The following HAUS6 variants were observed in gnomAD, a reference collection of about 807,000 sequenced individuals.
HAUS6 encodes the protein HAUS augmin like complex subunit 6, also known as HAUS augmin-like complex subunit 6.
HAUS6 carries 80 observed loss-of-function variants against 106.8 expected under a neutral mutation model. The observed-to-expected ratio is 0.75, with a 90% CI of 0.63 to 0.90. HAUS6 has a LOEUF of 0.90. HAUS6 is among the 40% of genes least tolerant of loss of function. The probability of loss-of-function intolerance (pLI) is 0.00; values close to 1 mark genes in which losing one functional copy is unlikely to be tolerated. For synonymous variants in HAUS6, 356 were observed against 379.1 expected, an observed-to-expected ratio of 0.94 and a Z score of 0.71; for missense variants, 1,155 against 1,118.1, an observed-to-expected ratio of 1.03 and a Z score of -0.47.
intron 12 of HAUS6, among the ~76,000 whole-genome samples, chr9:19,069,095 G>C (rs982453870): frequency 6.6e-6 from 1 of 152,052 alleles, no homozygotes; most frequent in East Asian, 1.9e-4. Flanking sequence ...GAAAAGGCTG[G>C]ACCAGCCACG....
chr9:19,069,489 G>A (rs1185995344), intron 12 of HAUS6, among the ~76,000 whole-genome samples: 1 of 152,064 alleles, frequency 6.6e-6, no homozygotes, highest in African/African-American at 2.4e-5. Context: ...AGGAGTTCGA[G>A]ACCAGCCTGG....
chr9:19,101,096 T>C (rs1817977907), intron 1 of HAUS6, among the ~76,000 whole-genome samples: 1 of 152,228 alleles, frequency 6.6e-6, no homozygotes, highest in South Asian at 2.1e-4. Context: ...ACTGAAATGT[T>C]TCCAACACAA....
At chr9:19,085,796 A>G (rs1837276459) in intron 7 of HAUS6, among the ~76,000 whole-genome samples, 1 of 152,078 alleles carries the variant, frequency 6.6e-6, no homozygotes, top group Admixed American at 6.6e-5. Context: ...TATTTAGATA[A>G]ATTAATACCA....
chr9:19,096,799 A>G (rs1373290375), intron 1 of HAUS6, 30 bp from the exon 2 acceptor site: 1 of 1,065,540 alleles, frequency 9.4e-7, no homozygotes. Flanking sequence ...TAGAAATAGA[A>G]AAAGAAAAAG....
rs1836735645 is a variant in HAUS6 at position 19,065,241 on chromosome 9, A to T, written c.1377-1661T>A. 2.0e-5 allele frequency among the ~76,000 whole-genome samples: 3 copies of T among 152,222 alleles called. No homozygotes were observed. The South Asian group carries it at 6.2e-4, about 32-fold the overall frequency. ...ACATCATAATCTAAGACAAGTTTAA[A>T]GCAGCCCTGGCTCAGTCTTTATACT... On this transcript the variant is annotated intron_variant, in intron 12 of 16. Transcript: ENST00000380502.
chr9:19,088,003 C>T (rs529415343), intron 5 of HAUS6, among the ~76,000 whole-genome samples: 1 of 152,140 alleles, frequency 6.6e-6, no homozygotes, highest in African/African-American at 2.4e-5. Flanking sequence ...AAAAGATATG[C>T]TGCATAGATG....
At position 19,080,666 on chromosome 9, in the gene HAUS6, T is replaced by G. The variant is rs771245869; in HGVS notation, c.877A>C (p.Ile293Leu). The change falls in exon 9 of 17, where the codon ATA (isoleucine) becomes CTA (leucine). Residue 293 changes from isoleucine to leucine, a missense_variant. This residue lies in a region of HAUS6 where 761 missense variants were observed against 690.0 expected (regional missense o/e 1.10). Coordinates refer to ENST00000380502, the MANE Select transcript of HAUS6 (RefSeq NM_017645.5). Reference protein sequence around the residue: ...KIEKQMFQLHIGNVYEAGKLN... With the variant: ...KIEKQMFQLHLGNVYEAGKLN... ...TTTCCAGCCTCATAAACATTTCCTA[T>G]GTGCAACTAAGGAATCAGGAGGAGA... The G allele has an allele frequency of 1.9e-6, 3 of 1,598,606 alleles. No individual in the cohort carries two copies. Among genetic ancestry groups the G allele is most frequent in the African/African-American group, 1.3e-5 (1 of 74,600 alleles).
At chr9:19,089,648 G>A (rs1310014935) in intron 4 of HAUS6, 89 bp from the exon 5 acceptor site, 1 of 911,880 alleles carries the variant, frequency 1.1e-6, no homozygotes, top group Admixed American at 2.8e-5. Flanking sequence ...ACTAACGTTG[G>A]TGGTATACAA....
chr9:19,081,315 ATTT>A (rs1837144208), intron 8 of HAUS6, among the ~76,000 whole-genome samples: 2 of 152,188 alleles, frequency 1.3e-5, no homozygotes, highest in Admixed American at 1.3e-4. Context: ...CCATAAATTC[ATTT>A]TTTAACAGAA....
At chr9:19,101,268 C>T (rs2131162766) in intron 1 of HAUS6, among the ~76,000 whole-genome samples, 1 of 152,294 alleles carries the variant, frequency 6.6e-6, no homozygotes, top group East Asian at 1.9e-4. Flanking sequence ...CATCTGTAAT[C>T]CCAGCACTTG....
chr9:19,091,061 G>A (rs1448767885), intron 4 of HAUS6, among the ~76,000 whole-genome samples: 1 of 152,172 alleles, frequency 6.6e-6, no homozygotes, highest in Admixed American at 6.5e-5. Context: ...AGCACTTTGG[G>A]AGGCCGAGGC....
intron 10 of HAUS6, among the ~76,000 whole-genome samples, chr9:19,077,665 T>A (rs912168690): frequency 6.6e-6 from 1 of 152,166 alleles, no homozygotes; most frequent in Non-Finnish European, 1.5e-5. Context: ...AACCATAACA[T>A]AGAAACTTTA....
rs755482866 is a variant in HAUS6, at chr9:19,093,382, A to C, written c.304-79T>G. ...CATTTACATCACACTATTTTTGTTAAAGGGTGTGACAGTCTTGCAATAGAA... is the reference window on the plus strand; with the variant it reads ...CATTTACATCACACTATTTTTGTTACAGGGTGTGACAGTCTTGCAATAGAA... On this transcript the variant is annotated intron_variant, in intron 3 of 16. Transcript: ENST00000380502. 2.3e-5 allele frequency: 30 copies of C among 1,283,180 alleles called. No individual in the cohort carries two copies. The Middle Eastern group carries it at 5.5e-4, about 24-fold the overall frequency. 79.5% of individuals were successfully genotyped at this position (1,283,180 alleles called of 1,614,324 possible).
intron 9 of HAUS6, among the ~76,000 whole-genome samples, chr9:19,079,394 G>A (rs1837087170): frequency 6.6e-6 from 1 of 151,268 alleles, no homozygotes; most frequent in African/African-American, 2.4e-5. Context: ...ACCACGCCTG[G>A]CTAATTGTGT....
At chr9:19,085,113 G>T (rs1368510775) in intron 7 of HAUS6, among the ~76,000 whole-genome samples, 2 of 152,056 alleles carry the variant, frequency 1.3e-5, no homozygotes, top group African/African-American at 4.8e-5. Context: ...GTATGGCAAG[G>T]TAAAGTTGTT....
chr9:19,066,305 C>G (rs910537473), intron 12 of HAUS6, among the ~76,000 whole-genome samples: 5 of 152,092 alleles, frequency 3.3e-5, no homozygotes, highest in African/African-American at 1.2e-4. Flanking sequence ...GAGGGAGTTA[C>G]AAGTGATTCC....
chr9:19,077,515 AT>A (rs1161496605), intron 10 of HAUS6, among the ~76,000 whole-genome samples: 3 of 152,148 alleles, frequency 2.0e-5, no homozygotes, highest in Admixed American at 1.3e-4. Context: ...AGCCTGGGCA[AT>A]AGAGCAAGAC....
At chr9:19,097,788 C>T (rs925551302) in intron 1 of HAUS6, among the ~76,000 whole-genome samples, 12 of 146,248 alleles carry the variant, frequency 8.2e-5, no homozygotes, top group African/African-American at 3.0e-4. Flanking sequence ...AAAGTGAAAA[C>T]AAAAATGAAA....
At chr9:19,057,853 G>A (rs1836507603) in intron 16 of HAUS6, 108 bp downstream of exon 16, 1 of 636,994 alleles carries the variant, frequency 1.6e-6, no homozygotes, top group Non-Finnish European at 2.7e-6. Flanking sequence ...AAGGAAGGGG[G>A]AGCACATTAA....
Sources: allele counts gnomAD v4.1 joint callset (sites outside exome capture counted in the v4.1 genomes callset), GRCh38; gene constraint gnomAD v4.1.1; regional missense constraint gnomAD v4.1.1; transcripts MANE v1.5; gene names NCBI Gene and HGNC (gene_info 2026-07-23, HGNC 2026-07-21).